The following TMEM178B variants were observed in gnomAD, a reference collection of about 807,000 sequenced individuals.
TMEM178B encodes transmembrane protein 178B.
Under a neutral mutation model 31.0 loss-of-function variants are expected in TMEM178B, and 5 were observed. The observed-to-expected ratio is 0.16, with a 90% CI of 0.08 to 0.34. The LOEUF (loss-of-function observed/expected upper bound fraction) is 0.34. TMEM178B is among the 10% of genes least tolerant of loss of function. The pLI, the probability that TMEM178B is intolerant of heterozygous loss-of-function variation, is 1.00. For missense variants in TMEM178B, 275 were observed against 400.3 expected (o/e 0.69, Z 2.67); for synonymous variants, 164 against 164.0 (o/e 1.00, Z 0.00).
intron 2 of TMEM178B, among the ~76,000 whole-genome samples, chr7:141,240,776 A>G (rs1333070865): frequency 6.6e-6 from 1 of 152,140 alleles, no homozygotes; most frequent in African/African-American, 2.4e-5. Flanking sequence ...CTCATCCTCT[A>G]CTGCTCTGAG....
At position 141,082,855 on chromosome 7, in the gene TMEM178B, C is replaced by T. The variant is rs575939179; in HGVS notation, c.382+8163C>T. On this transcript the variant is annotated intron_variant, in intron 1 of 3. Coordinates refer to ENST00000565468, the MANE Select transcript of TMEM178B (RefSeq NM_001195278.2). ...TCAATTGGATAAGGAATCAACTAGT[C>T]AGGGAATGCAGGAGTGAGCTCTTTT... Among the ~76,000 whole-genome samples the T allele has an allele frequency of 1.1e-4, 17 of 152,310 alleles. No homozygotes were observed. The South Asian group carries it at 1.5e-3, about 13-fold the overall frequency.
At chr7:141,466,858 C>T (rs1266177767) in intron 3 of TMEM178B, among the ~76,000 whole-genome samples, 4 of 152,164 alleles carry the variant, frequency 2.6e-5, no homozygotes, top group African/African-American at 4.8e-5. Context: ...GATAGGTTCA[C>T]AAACCAGCAA....
chr7:141,138,631 A>G (rs1208994431), intron 1 of TMEM178B, among the ~76,000 whole-genome samples: 1 of 152,032 alleles, frequency 6.6e-6, no homozygotes, highest in East Asian at 1.9e-4. Context: ...GCACTGAAAA[A>G]AAAAACCTGT....
intron 1 of TMEM178B, among the ~76,000 whole-genome samples, chr7:141,078,652 G>A (rs1306083194): frequency 2.0e-5 from 3 of 152,178 alleles, no homozygotes; most frequent in Non-Finnish European, 4.4e-5. Flanking sequence ...GAAAGTGATG[G>A]TGGATTGTGT....
chr7:141,282,661 G>T (rs1305439402), intron 2 of TMEM178B, among the ~76,000 whole-genome samples: 3 of 152,146 alleles, frequency 2.0e-5, no homozygotes, highest in African/African-American at 7.2e-5. Context: ...CGCATGAGAG[G>T]TATTGACTTA....
chr7:141,174,386 A>C (rs1417397270), intron 1 of TMEM178B, among the ~76,000 whole-genome samples: 1 of 152,148 alleles, frequency 6.6e-6, no homozygotes, highest in Admixed American at 6.5e-5. Flanking sequence ...GGTTGTTCCA[A>C]GTCTTTGCTA....
intron 2 of TMEM178B, among the ~76,000 whole-genome samples, chr7:141,254,922 T>C (rs992656665): frequency 1.3e-5 from 2 of 152,186 alleles, no homozygotes; most frequent in Non-Finnish European, 2.9e-5. Flanking sequence ...TCTTTCTCCA[T>C]ATAAAATAAT....
intron 2 of TMEM178B, among the ~76,000 whole-genome samples, chr7:141,321,926 TC>T (rs977240102): frequency 2.8e-4 from 43 of 152,126 alleles, no homozygotes; most frequent in Non-Finnish European, 2.9e-5. Context: ...AGAAGCCATT[TC>T]CCACTGACCA....
At chr7:141,449,471 T>C (rs1443874788) in intron 3 of TMEM178B, among the ~76,000 whole-genome samples, 2 of 152,142 alleles carry the variant, frequency 1.3e-5, no homozygotes, top group Admixed American at 1.3e-4. Flanking sequence ...TTGAGGCTTT[T>C]TGTCACATCC....
At chr7:141,102,121 A>T (rs1795069108) in intron 1 of TMEM178B, among the ~76,000 whole-genome samples, 1 of 152,176 alleles carries the variant, frequency 6.6e-6, no homozygotes, top group Non-Finnish European at 1.5e-5. Context: ...ACCCTATTTT[A>T]TTGCCTGCAA....
chr7:141,506,808 T>C, the TMEM178B span, among the ~76,000 whole-genome samples: 1 of 152,202 alleles, frequency 6.6e-6, no homozygotes. Flanking sequence ...CTTCCGCCTA[T>C]GAGCCTGTAA....
Position 141,412,756 on chromosome 7 carries a change from T to C in TMEM178B, c.497-24852T>C, listed in dbSNP as rs376362349. Among the ~76,000 whole-genome samples the C allele has an allele frequency of 1.9e-3, 293 of 152,270 alleles. 1 individual carries two copies. The highest frequency in any genetic ancestry group is 6.6e-3 in the African/African-American group (274 of 41,548). On this transcript the variant is annotated intron_variant, in intron 2 of 3. Transcript: ENST00000565468. ...ACATAGATCACCTTTGTGGAGCACATAGTATGTGCTATGTGTGAGCCCCTC... is the reference window on the plus strand; with the variant it reads ...ACATAGATCACCTTTGTGGAGCACACAGTATGTGCTATGTGTGAGCCCCTC...
At chr7:141,505,460 T>A in the TMEM178B span, among the ~76,000 whole-genome samples, 2,428 of 152,320 alleles carry the variant, frequency 0.016, 71 homozygotes, top group African/African-American at 0.056. Flanking sequence ...TGAACTCAGC[T>A]CCCCTTGTGT....
chr7:141,269,463 CTT>C (rs1287694415), intron 2 of TMEM178B, among the ~76,000 whole-genome samples: 21 of 152,154 alleles, frequency 1.4e-4, no homozygotes, highest in Non-Finnish European at 1.5e-5. Context: ...GTAAAAAAGA[CTT>C]TATTCACATG....
intron 2 of TMEM178B, among the ~76,000 whole-genome samples, chr7:141,216,932 G>A (rs1797162208): frequency 6.6e-6 from 1 of 152,164 alleles, no homozygotes; most frequent in Admixed American, 6.5e-5. Flanking sequence ...TCCTCTGGCT[G>A]CCTCCAGGAC....
At chr7:141,155,979 C>T (rs748060573) in intron 1 of TMEM178B, among the ~76,000 whole-genome samples, 9 of 152,154 alleles carry the variant, frequency 5.9e-5, no homozygotes, top group South Asian at 2.1e-4. Context: ...GCAGGAGAAT[C>T]GCTTGAACCC....
At chr7:141,503,965 C>T in the TMEM178B span, among the ~76,000 whole-genome samples, 33 of 152,234 alleles carry the variant, frequency 2.2e-4, no homozygotes, top group African/African-American at 7.7e-4. Flanking sequence ...TTCAACTGTT[C>T]TCAACAGGCT....
chr7:141,095,264 C>G lies in TMEM178B; in HGVS notation c.382+20572C>G, dbSNP rs574771585. 3.9e-5 allele frequency among the ~76,000 whole-genome samples: 6 copies of G among 152,266 alleles called. No individual in the cohort carries two copies. In the South Asian group the frequency reaches 1.2e-3, roughly 32 times the overall value. Reference sequence around the variant, plus strand: ...GGTGTATCATTTTCCCCATTGCCTTCTACTCAGAAACGGTGGGATACTAGT... The same window carrying G: ...GGTGTATCATTTTCCCCATTGCCTTGTACTCAGAAACGGTGGGATACTAGT... On this transcript the variant is annotated intron_variant, in intron 1 of 3. Transcript: ENST00000565468.
At chr7:141,251,515 C>T (rs1366837728) in intron 2 of TMEM178B, among the ~76,000 whole-genome samples, 1 of 152,044 alleles carries the variant, frequency 6.6e-6, no homozygotes, top group Non-Finnish European at 1.5e-5. Flanking sequence ...CATTTATTGC[C>T]AGGACCTACT....
Sources: allele counts gnomAD v4.1 joint callset (sites outside exome capture counted in the v4.1 genomes callset), GRCh38; gene constraint gnomAD v4.1.1; transcripts MANE v1.5; gene names NCBI Gene and HGNC (gene_info 2026-07-23, HGNC 2026-07-21).